Variants in NCOA2 observed in about 807,000 individuals in gnomAD.
The protein encoded by NCOA2 is class E basic helix-loop-helix protein 75.
A neutral mutation model predicts 145.1 loss-of-function variants in NCOA2; 21 were observed. The ratio of observed to expected loss-of-function variants is 0.14; its 90% CI spans 0.10 to 0.21. NCOA2 has a LOEUF of 0.21. Ranked by LOEUF, NCOA2 falls within the 10% of genes least tolerant of loss-of-function variation. The pLI is 1.00. For missense variants in NCOA2, 1,472 were observed against 1,837.6 expected (o/e 0.80, Z 3.64); for synonymous variants, 619 against 637.5 (o/e 0.97, Z 0.44).
At chr8:70,310,344 C>T (rs1828220367) in intron 1 of NCOA2, among the ~76,000 whole-genome samples, 1 of 110,632 alleles carries the variant, frequency 9.0e-6, no homozygotes, top group Non-Finnish European at 1.8e-5. Context: ...ACTCTGTCTT[C>T]CCAAAAAAAA....
chr8:70,255,124 G>T (rs1823528099), intron 2 of NCOA2, among the ~76,000 whole-genome samples: 1 of 152,110 alleles, frequency 6.6e-6, no homozygotes, highest in Non-Finnish European at 1.5e-5. Context: ...AAGCCAAGTG[G>T]CAACAGACAC....
the NCOA2 span, among the ~76,000 whole-genome samples, chr8:70,454,477 C>T: frequency 6.6e-6 from 1 of 152,072 alleles, no homozygotes; most frequent in Non-Finnish European, 1.5e-5. Context: ...ATTTAGAGTC[C>T]CTAACTCCTA....
intron 4 of NCOA2, among the ~76,000 whole-genome samples, chr8:70,207,456 C>T (rs529417836): frequency 8.3e-4 from 126 of 152,288 alleles, no homozygotes; most frequent in Non-Finnish European, 1.6e-3. Context: ...GAAATTCCAT[C>T]CCTGCTCACT....
the NCOA2 span, among the ~76,000 whole-genome samples, chr8:70,449,345 A>C: frequency 6.6e-6 from 1 of 152,218 alleles, no homozygotes; most frequent in Non-Finnish European, 1.5e-5. Flanking sequence ...CATTTATATC[A>C]GTTACAGTCC....
At chr8:70,405,635 C>T (rs1440000942), upstream of NCOA2, among the ~76,000 whole-genome samples, 1 of 150,810 alleles carries the variant, frequency 6.6e-6, no homozygotes, top group East Asian at 1.9e-4. Flanking sequence ...CCTGTCCTCA[C>T]CCCCAACTGT....
At chr8:70,200,953 T>C (rs1817815834) in intron 4 of NCOA2, among the ~76,000 whole-genome samples, 1 of 139,578 alleles carries the variant, frequency 7.2e-6, no homozygotes, top group African/African-American at 2.7e-5. Context: ...GAGGCTGAGG[T>C]GGGAGAATCA....
chr8:70,335,140 AAAAAAAAAAAAAAG>A (rs1423999958), intron 1 of NCOA2, among the ~76,000 whole-genome samples: 1 of 148,312 alleles, frequency 6.7e-6, no homozygotes, highest in African/African-American at 2.5e-5. Context: ...AAAAAAAAAA[AAAAAAAAAAAAAAG>A]ATCTCTCCCT....
At chr8:70,408,298 T>A (rs1814812842), upstream of NCOA2, among the ~76,000 whole-genome samples, 1 of 152,212 alleles carries the variant, frequency 6.6e-6, no homozygotes. Context: ...ATCCATGAAC[T>A]ACTAAAATGA....
intron 2 of NCOA2, among the ~76,000 whole-genome samples, chr8:70,279,589 A>T (rs1441661093): frequency 6.6e-6 from 1 of 152,324 alleles, no homozygotes; most frequent in African/African-American, 2.4e-5. Context: ...TCATGATGAG[A>T]CTAATATCCC....
At chr8:70,285,380 C>G (rs541696042) in intron 2 of NCOA2, among the ~76,000 whole-genome samples, 210 of 152,292 alleles carry the variant, frequency 1.4e-3, no homozygotes, top group Non-Finnish European at 2.6e-3. Context: ...AAGATGATAA[C>G]CAAGAGTCAT....
At chr8:70,119,996 A>G (rs1224257475) in intron 22 of NCOA2, among the ~76,000 whole-genome samples, 1 of 151,890 alleles carries the variant, frequency 6.6e-6, no homozygotes, top group Non-Finnish European at 1.5e-5. Context: ...CAGCCTCCCA[A>G]GTAGTTGGGA....
At chr8:70,454,368 T>C in the NCOA2 span, among the ~76,000 whole-genome samples, 1 of 152,192 alleles carries the variant, frequency 6.6e-6, no homozygotes, top group African/African-American at 2.4e-5. Flanking sequence ...AAACTAGCAA[T>C]TGTGCAAAGA....
chr8:70,406,225 C>T (rs1814778463), upstream of NCOA2, among the ~76,000 whole-genome samples: 1 of 152,226 alleles, frequency 6.6e-6, no homozygotes, highest in Non-Finnish European at 1.5e-5. Context: ...TTCCGATCCT[C>T]ATGTCCTCTT....
intron 2 of NCOA2, among the ~76,000 whole-genome samples, chr8:70,277,810 G>A (rs146762826): frequency 2.2e-3 from 330 of 152,074 alleles, no homozygotes; most frequent in African/African-American, 7.5e-3. Context: ...CCCCACTGTC[G>A]TTTTTGATGT....
chr8:70,210,537 G>A (rs1326736279), intron 4 of NCOA2, among the ~76,000 whole-genome samples: 1 of 152,128 alleles, frequency 6.6e-6, no homozygotes, highest in Non-Finnish European at 1.5e-5. Context: ...TATGAAACAC[G>A]GGTCTCATAA....
intron 1 of NCOA2, among the ~76,000 whole-genome samples, chr8:70,350,576 T>C (rs756048914): frequency 3.3e-5 from 5 of 152,194 alleles, no homozygotes; most frequent in Admixed American, 6.5e-5. Context: ...GAATAAACAT[T>C]TCTCCTCCAT....
chr8:70,189,209 T>C (rs1035656680), intron 4 of NCOA2, among the ~76,000 whole-genome samples: 6 of 152,316 alleles, frequency 3.9e-5, no homozygotes, highest in Admixed American at 3.3e-4. Flanking sequence ...TGAAGTGGCA[T>C]TGCTAGGCTC....
chr8:70,420,923 G>A, the NCOA2 span, among the ~76,000 whole-genome samples: 1 of 152,220 alleles, frequency 6.6e-6, no homozygotes, highest in East Asian at 1.9e-4. Flanking sequence ...GATTACAGGC[G>A]TGAGCCACTG....
intron 22 of NCOA2, among the ~76,000 whole-genome samples, chr8:70,119,222 CTTCT>C (rs1213877713): frequency 9.9e-5 from 15 of 152,266 alleles, no homozygotes; most frequent in African/African-American, 3.4e-4. Context: ...CACAGTCACC[CTTCT>C]CAGTCTCTGT....
Sources: gnomAD v4.1 joint callset for allele counts (sites outside exome capture counted in the v4.1 genomes callset) on GRCh38, gnomAD v4.1.1 for gene constraint, MANE v1.5 for transcripts, NCBI Gene and HGNC (gene_info 2026-07-23, HGNC 2026-07-21) for gene names.